CD86: variants seen among roughly 807,000 people sequenced by gnomAD.
CD86 encodes the protein T-lymphocyte activation antigen CD86.
A neutral mutation model predicts 32.1 loss-of-function variants in CD86; 11 were observed. The observed-to-expected ratio is 0.34, with a 90% CI of 0.22 to 0.57. CD86 has a LOEUF of 0.57. Among genes scored for constraint, CD86 ranks in the 20% least tolerant of loss-of-function variants. The probability of loss-of-function intolerance (pLI) is 0.86; values close to 1 mark genes in which losing one functional copy is unlikely to be tolerated. For synonymous variants in CD86, 137 were observed against 135.3 expected (o/e 1.01, Z -0.09); for missense variants, 359 against 398.4 (o/e 0.90, Z 0.84).
At chr3:122,106,871 C>CACACACACACA (rs1553754173) in intron 4 of CD86, among the ~76,000 whole-genome samples, 2 of 151,038 alleles carry the variant, frequency 1.3e-5, no homozygotes, top group East Asian at 1.9e-4. Flanking sequence ...CACACACACA[C>CACACACACACA]CATGCATACA....
intron 1 of CD86, among the ~76,000 whole-genome samples, chr3:122,091,173 G>C (rs1386191464): frequency 6.6e-6 from 1 of 152,080 alleles, no homozygotes; most frequent in Non-Finnish European, 1.5e-5. Context: ...ATCAGTTGTG[G>C]GAGAGGTGTA....
At chr3:122,081,862 A>G (rs2072639213) in intron 1 of CD86, among the ~76,000 whole-genome samples, 1 of 152,172 alleles carries the variant, frequency 6.6e-6, no homozygotes, top group African/African-American at 2.4e-5. Flanking sequence ...AAGCTGTAGG[A>G]GTGCTTGCTG....
intron 1 of CD86, among the ~76,000 whole-genome samples, chr3:122,061,890 A>G (rs2072341643): frequency 6.6e-6 from 1 of 152,224 alleles, no homozygotes; most frequent in African/African-American, 2.4e-5. Flanking sequence ...AAATCAGTAT[A>G]TGAATATTTA....
intron 5 of CD86, among the ~76,000 whole-genome samples, chr3:122,110,110 T>C (rs1445643885): frequency 6.6e-6 from 1 of 152,244 alleles, no homozygotes; most frequent in Non-Finnish European, 1.5e-5. Context: ...TGTTCTAATT[T>C]TGTTATACTA....
intron 2 of CD86, among the ~76,000 whole-genome samples, chr3:122,100,411 A>G (rs2072980733): frequency 1.3e-5 from 2 of 152,214 alleles, no homozygotes; most frequent in African/African-American, 4.8e-5. Context: ...CAGTCAATGA[A>G]GGGGTTAAAG....
intron 1 of CD86, among the ~76,000 whole-genome samples, chr3:122,067,455 G>T (rs1404480750): frequency 6.6e-6 from 1 of 152,194 alleles, no homozygotes; most frequent in African/African-American, 2.4e-5. Flanking sequence ...TCCAAGGTAT[G>T]AAAATGGCCT....
In CD86 at chr3:122,101,696, C is replaced by G. The variant is rs1279857583; in HGVS notation, c.65-1816C>G. Among the ~76,000 whole-genome samples the G allele has an allele frequency of 5.3e-5, 8 of 151,960 alleles. No homozygotes were observed. The East Asian group carries it at 1.6e-3, about 29-fold the overall frequency. ...CCATCAGGTCATCTGTCCTATATTA[C>G]ATGACAATTTAGACTAAAACCAGTA... On this transcript the variant is annotated intron_variant, in intron 2 of 6. Coordinates refer to ENST00000330540, the MANE Select transcript of CD86 (RefSeq NM_175862.5).
At chr3:122,114,450 T>C (rs60662459) in intron 5 of CD86, among the ~76,000 whole-genome samples, 1,847 of 152,140 alleles carry the variant, frequency 0.012, 37 homozygotes, top group African/African-American at 0.043. Context: ...CTGTAGTCCC[T>C]GAGTGAAGGA....
chr3:122,075,828 A>G (rs1039399386), intron 1 of CD86, among the ~76,000 whole-genome samples: 1 of 152,230 alleles, frequency 6.6e-6, no homozygotes, highest in African/African-American at 2.4e-5. Flanking sequence ...AAGTAGATTA[A>G]AGAAGTGCTA....
At chr3:122,097,839 T>C (rs2072932919) in intron 2 of CD86, among the ~76,000 whole-genome samples, 1 of 152,156 alleles carries the variant, frequency 6.6e-6, no homozygotes, top group Admixed American at 6.5e-5. Flanking sequence ...TGGAGAAAAG[T>C]GTCTTCTCTA....
chr3:122,095,907 A>C (rs890282805), intron 2 of CD86, among the ~76,000 whole-genome samples: 1 of 152,220 alleles, frequency 6.6e-6, no homozygotes, highest in African/African-American at 2.4e-5. Flanking sequence ...GTTTGGGAGC[A>C]AGAGTGAAAT....
intron 1 of CD86, among the ~76,000 whole-genome samples, chr3:122,060,781 A>G (rs2072321779): frequency 6.6e-6 from 1 of 152,170 alleles, no homozygotes; most frequent in African/African-American, 2.4e-5. Context: ...TAACATACAG[A>G]TTCTATTCTG....
chr3:122,060,790 T>G (rs2072321832), intron 1 of CD86, among the ~76,000 whole-genome samples: 1 of 152,190 alleles, frequency 6.6e-6, no homozygotes, highest in Admixed American at 6.5e-5. Flanking sequence ...GATTCTATTC[T>G]GTATTATCAG....
intron 1 of CD86, among the ~76,000 whole-genome samples, chr3:122,069,652 C>T (rs2072462394): frequency 6.6e-6 from 1 of 152,180 alleles, no homozygotes; most frequent in African/African-American, 2.4e-5. Context: ...GCTTAGCCTT[C>T]CTTCCCTGTC....
chr3:122,072,884 A>T (rs2072508150), intron 1 of CD86, among the ~76,000 whole-genome samples: 1 of 151,930 alleles, frequency 6.6e-6, no homozygotes, highest in African/African-American at 2.4e-5. Flanking sequence ...TAAGTCTTTA[A>T]TCCATCTTGA....
intron 5 of CD86, among the ~76,000 whole-genome samples, chr3:122,110,712 A>C (rs1257660986): frequency 6.6e-6 from 1 of 152,198 alleles, no homozygotes; most frequent in Admixed American, 6.5e-5. Flanking sequence ...TCTATGATAT[A>C]AAAGTATAAA....
chr3:122,104,892 C>T (rs953326723), intron 3 of CD86, among the ~76,000 whole-genome samples: 10 of 152,112 alleles, frequency 6.6e-5, no homozygotes, highest in African/African-American at 2.4e-4. Flanking sequence ...CGTTCATGTA[C>T]AGGTTTTTGT....
At chr3:122,080,381 A>G (rs2072615384) in intron 1 of CD86, among the ~76,000 whole-genome samples, 1 of 152,206 alleles carries the variant, frequency 6.6e-6, no homozygotes, top group Non-Finnish European at 1.5e-5. Context: ...TACAACTCGG[A>G]GAACTAGGCG....
intron 6 of CD86, among the ~76,000 whole-genome samples, chr3:122,118,829 T>C (rs1225078330): frequency 6.6e-6 from 1 of 152,208 alleles, no homozygotes; most frequent in African/African-American, 2.4e-5. Context: ...GAATGATTGA[T>C]GCATGATGAA....
Sources: gnomAD v4.1 joint callset for allele counts (sites outside exome capture counted in the v4.1 genomes callset) on GRCh38, gnomAD v4.1.1 for gene constraint, MANE v1.5 for transcripts, NCBI Gene and HGNC (gene_info 2026-07-23, HGNC 2026-07-21) for gene names.